L3MBTL1: variants seen among roughly 807,000 people sequenced by gnomAD.
The protein encoded by L3MBTL1 is lethal(3)malignant brain tumor-like protein 1.
A neutral mutation model predicts 105.3 loss-of-function variants in L3MBTL1; 75 were observed. The observed-to-expected ratio is 0.71, with a 90% CI of 0.59 to 0.86. L3MBTL1 has a LOEUF of 0.86. Ranked by LOEUF, L3MBTL1 falls within the 40% of genes least tolerant of loss-of-function variation. The probability of loss-of-function intolerance (pLI) is 0.00; values close to 1 mark genes in which losing one functional copy is unlikely to be tolerated. For synonymous variants in L3MBTL1, 452 were observed against 436.2 expected (o/e 1.04, Z -0.45); for missense variants, 1,069 against 1,126.4 (o/e 0.95, Z 0.73).
chr20:43,534,706 G>A, intron 15 of L3MBTL1, 122 bp from the exon 16 acceptor site: 2 of 678,380 alleles, frequency 2.9e-6, no homozygotes, highest in Non-Finnish European at 5.0e-6. Context: ...TGCAGGGTTG[G>A]CCCCTTGGTT....
intron 7 of L3MBTL1, among the ~76,000 whole-genome samples, chr20:43,522,157 C>A (rs564482237): frequency 1.2e-4 from 19 of 152,226 alleles, no homozygotes; most frequent in Admixed American, 1.2e-3. Context: ...GAGATTGAGA[C>A]CATCCTGGCC....
In L3MBTL1 at chr20:43,515,335, G is replaced by A. The variant is rs1471471499; in HGVS notation, c.697G>A (p.Glu233Lys). 2.5e-5 allele frequency: 40 copies of A among 1,585,674 alleles called. No individual in the cohort carries two copies. Among genetic ancestry groups the A allele is most frequent in the Non-Finnish European group, 3.3e-5 (39 of 1,164,592 alleles). Residue 233 changes from glutamate (E) to lysine (K), a missense_variant, in exon 6 of 22, where the codon GAG becomes AAG. Physicochemically the swap from Glu to Lys is moderately conservative, Grantham distance 56. Coordinates refer to ENST00000418998, the MANE Select transcript of L3MBTL1 (RefSeq NM_001377303.1). ...ENSSGSTSAS[E>K]LLKPMKKRKR... ...CTCCTCAGGCTCTACCAGCGCTTCTGAGCTCCTCAAACCCATGAAGAAGAG... is the reference window on the plus strand; with the variant it reads ...CTCCTCAGGCTCTACCAGCGCTTCTAAGCTCCTCAAACCCATGAAGAAGAG...
chr20:43,514,116 CTT>C (rs2018226583), intron 3 of L3MBTL1, 55 bp downstream of exon 3: 1 of 1,420,748 alleles, frequency 7.0e-7, no homozygotes, highest in African/African-American at 1.4e-5. Context: ...TGGGGCGGGG[CTT>C]GCAGGCCCGG....
intron 19 of L3MBTL1, chr20:43,539,347 G>A (rs1235329585): frequency 6.5e-6 from 1 of 153,576 alleles, no homozygotes; most frequent in Non-Finnish European, 1.4e-5. Context: ...TGACAGCAGT[G>A]AGTGGGGCCA....
chr20:43,515,850 G>C, intron 6 of L3MBTL1: 2 of 517,768 alleles, frequency 3.9e-6, no homozygotes, highest in East Asian at 6.6e-5. Context: ...TTCTCTACCA[G>C]ATAATAAGGA....
intron 1 of L3MBTL1, among the ~76,000 whole-genome samples, chr20:43,509,118 C>G (rs1208808392): frequency 6.6e-6 from 1 of 152,194 alleles, no homozygotes; most frequent in Non-Finnish European, 1.5e-5. Flanking sequence ...TCTTCCCAAC[C>G]TATAAATGTG....
At position 43,514,829 on chromosome 20, in the gene L3MBTL1, G is replaced by A. The variant is rs2018285483; in HGVS notation, c.502+53G>A. The A allele has an allele frequency of 3.4e-6, 5 of 1,489,576 alleles. No individual in the cohort carries two copies. The Admixed American group carries it at 8.8e-5, about 26-fold the overall frequency. The allele number at this position is 1,489,576 out of a possible 1,614,324, so 92.3% of individuals were successfully genotyped here. A position where few individuals can be genotyped will look rare whatever the true frequency, so the allele number is the denominator to read the frequency against. Reference sequence around the variant, plus strand: ...GCTGGGCCCTGTGCGGGTGGGGCGAGGCCTGAGCCCCAGAAGGTTCGGGGG... The same window carrying A: ...GCTGGGCCCTGTGCGGGTGGGGCGAAGCCTGAGCCCCAGAAGGTTCGGGGG... On this transcript the variant is annotated intron_variant, in intron 4 of 21. Transcript: ENST00000418998.
At position 43,514,053 on chromosome 20, in the gene L3MBTL1, G is replaced by A. The variant is rs1385590060; in HGVS notation, c.352G>A (p.Gly118Ser). ...TEAAAPPPGG[G>S]LRFRISEYKP... Reference sequence around the variant, plus strand: ...GGCCGCGGCCCCGCCCCCAGGGGGCGGCCTGCGGGTCAGTGTCTGTGGGGA... The same window carrying A: ...GGCCGCGGCCCCGCCCCCAGGGGGCAGCCTGCGGGTCAGTGTCTGTGGGGA... The change falls in exon 3 of 22, where the codon GGC becomes AGC. Residue 118 changes from glycine to serine, a missense_variant. By Grantham distance (56) the Gly-to-Ser change is moderately conservative. Coordinates refer to ENST00000418998, the MANE Select transcript of L3MBTL1 (RefSeq NM_001377303.1). 5.2e-6 allele frequency: 8 copies of A among 1,533,630 alleles called. No individual in the cohort carries two copies. The South Asian group carries it at 7.2e-5, about 14-fold the overall frequency.
Position 43,507,708 on chromosome 20 carries a change from T to C in L3MBTL1, c.-65T>C, listed in dbSNP as rs2018013517. 6.6e-6 allele frequency: 1 copy of C among 152,168 alleles called. No homozygotes were observed. Among genetic ancestry groups the C allele is most frequent in the Admixed American group, 6.5e-5 (1 of 15,286 alleles). The allele number at this position is 152,168 out of a possible 1,614,324, so 9.4% of individuals were successfully genotyped here. A position where few individuals can be genotyped will look rare whatever the true frequency, so the allele number is the denominator to read the frequency against. On this transcript the variant is annotated 5_prime_UTR_variant, in exon 1 of 22. Transcript: ENST00000418998. The stretch of plus-strand genomic sequence containing the variant: ...GGCGCGCGGCGCCCGGCTCGGACCG[T>C]AGCTAGGCGCTGGGCGGCCACCGGC...
chr20:43,517,958 G>C (rs2145395034), intron 7 of L3MBTL1, among the ~76,000 whole-genome samples: 1 of 152,272 alleles, frequency 6.6e-6, no homozygotes, highest in Non-Finnish European at 1.5e-5. Context: ...TTTGGTTTAT[G>C]GCCTCTTAAG....
chr20:43,529,417 A>C, intron 9 of L3MBTL1, 49 bp downstream of exon 9: 1 of 1,295,310 alleles, frequency 7.7e-7, no homozygotes, highest in South Asian at 1.2e-5. Flanking sequence ...CTCAGTGCAG[A>C]TTGATGGATC....
chr20:43,536,356 G>C, intron 18 of L3MBTL1, 53 bp from the exon 19 acceptor site: 1 of 1,613,100 alleles, frequency 6.2e-7, no homozygotes, highest in Non-Finnish European at 8.5e-7. Context: ...GTAGCCTCTT[G>C]GACTGGGCCA....
Position 43,514,700 on chromosome 20 carries a change from G to T in L3MBTL1, c.426G>T (p.Leu142=), listed in dbSNP as rs1196432438. The T allele has an allele frequency of 6.3e-7, 1 of 1,584,648 alleles. No homozygotes were observed. Among genetic ancestry groups the T allele is most frequent in the Non-Finnish European group, 8.6e-7 (1 of 1,165,770 alleles). The change falls in exon 4 of 22, where the codon CTG becomes CTT. Residue 142 remains leucine, a synonymous_variant. Coordinates refer to ENST00000418998, the MANE Select transcript of L3MBTL1 (RefSeq NM_001377303.1). ...AGVEQPPSPE[L]RQEGVTEYED... is the part of the protein sequence containing the mutation. The stretch of plus-strand genomic sequence containing the variant: ...TGGAGCAGCCCCCGAGCCCCGAGCT[G>T]CGGCAGGAAGGCGTGACCGAATACG...
chr20:43,538,238 A>G lies in L3MBTL1; in HGVS notation c.2173+1780A>G, dbSNP rs149371277. Among the ~76,000 whole-genome samples, 275 of 152,348 alleles carry G rather than the reference A, an allele frequency of 1.8e-3. 2 individuals carry two copies. Among genetic ancestry groups the G allele is most frequent in the African/African-American group, 6.1e-3 (254 of 41,586 alleles). ...TACCCATCTGTGGTACCCATGGTCA[A>G]GTCCACTGCAGGACCAAGTTCTGAC... On this transcript the variant is annotated intron_variant, in intron 19 of 21. Transcript: ENST00000418998.
chr20:43,532,852 C>T lies in L3MBTL1; in HGVS notation c.1364C>T (p.Ala455Val). The T allele has an allele frequency of 1.2e-6, 2 of 1,614,182 alleles. No homozygotes were observed. The highest frequency in any genetic ancestry group is 3.3e-4 in the Middle Eastern group (2 of 6,062). ...DRMNPSLVCV[A>V]SVTDVVDSRF... is the part of the protein sequence containing the mutation. The stretch of plus-strand genomic sequence containing the variant: ...ATGAACCCGTCCCTTGTCTGCGTGG[C>T]CAGTGTGACCGATGTGGTGGACAGC... The change falls in exon 12 of 22, where the codon GCC becomes GTC. Residue 455 changes from alanine to valine, a missense_variant. By Grantham distance (64) the Ala-to-Val change is moderately conservative. Coordinates refer to ENST00000418998, the MANE Select transcript of L3MBTL1 (RefSeq NM_001377303.1).
At chr20:43,546,342 C>T (rs996600285), downstream of L3MBTL1, among the ~76,000 whole-genome samples, 1 of 152,186 alleles carries the variant, frequency 6.6e-6, no homozygotes, top group East Asian at 1.9e-4. Flanking sequence ...CCATAGGATA[C>T]CCCTACCCAG....
intron 7 of L3MBTL1, among the ~76,000 whole-genome samples, chr20:43,519,505 G>A (rs550092441): frequency 6.6e-5 from 10 of 152,078 alleles, no homozygotes; most frequent in Admixed American, 3.3e-4. Flanking sequence ...GCATGGCGTC[G>A]CATGCCTATA....
downstream of L3MBTL1, among the ~76,000 whole-genome samples, chr20:43,545,599 G>A (rs1434590973): frequency 1.3e-5 from 2 of 152,142 alleles, no homozygotes; most frequent in African/African-American, 2.4e-5. Context: ...GAATAGAGTG[G>A]CAGACTCCTT....
Position 43,532,886 on chromosome 20 carries a change from G to A in L3MBTL1, c.1398G>A (p.Leu466=). The A allele has an allele frequency of 6.2e-7, 1 of 1,614,112 alleles. No homozygotes were observed. The highest frequency in any genetic ancestry group is 1.1e-5 in the South Asian group (1 of 91,080). Residue 466 remains leucine (L), a synonymous_variant, in exon 12 of 22, where the codon CTG becomes CTA. Coordinates refer to ENST00000418998, the MANE Select transcript of L3MBTL1 (RefSeq NM_001377303.1). ...CCGATGTGGTGGACAGCCGCTTCCT[G>A]GTGCACTTTGACAACTGGGATGATA... ...SVTDVVDSRF[L]VHFDNWDDTY... is the part of the protein sequence containing the mutation.
Sources: allele counts gnomAD v4.1 joint callset (sites outside exome capture counted in the v4.1 genomes callset), GRCh38; gene constraint gnomAD v4.1.1; transcripts MANE v1.5; gene names NCBI Gene and HGNC (gene_info 2026-07-23, HGNC 2026-07-21).